PCDHGA11: variants seen among roughly 807,000 people sequenced by gnomAD.
The protein encoded by PCDHGA11 is protocadherin gamma subfamily A, 11, also known as protocadherin gamma-A11.
Under a neutral mutation model 60.4 loss-of-function variants are expected in PCDHGA11, and 39 were observed. The ratio of observed to expected loss-of-function variants is 0.65; its 90% confidence interval spans 0.50 to 0.84. PCDHGA11 has a LOEUF of 0.84. Among genes scored for constraint, PCDHGA11 ranks in the 40% least tolerant of loss-of-function variants. PCDHGA11 has a pLI of 0.00. For synonymous variants in PCDHGA11, 533 were observed against 510.3 expected, an observed-to-expected ratio of 1.04 and a Z score of -0.60; for missense variants, 1,165 against 1,197.7, an observed-to-expected ratio of 0.97 and a Z score of 0.40.
rs757696505 is a variant in PCDHGA11 at position 141,423,413 on chromosome 5, C to T, written c.2186C>T (p.Ser729Phe). The part of the protein sequence containing the change: ...RWHKSRLLQA[S>F]EGGLAGMPTS... Reference sequence around the variant, plus strand: ...CATAAGTCACGCCTGCTGCAGGCTTCTGAAGGCGGGTTGGCAGGTATGCCC... The same window carrying T: ...CATAAGTCACGCCTGCTGCAGGCTTTTGAAGGCGGGTTGGCAGGTATGCCC... The change falls in exon 1 of 4, where the codon TCT becomes TTT. Residue 729 changes from serine (S) to phenylalanine (F), a missense_variant. Ser to Phe is a radical substitution (Grantham distance 155). Transcript: ENST00000398587. 2.5e-6 allele frequency: 4 copies of T among 1,614,022 alleles called. No homozygotes were observed. The highest frequency in any genetic ancestry group is 2.2e-5 in the South Asian group (2 of 91,080).
In PCDHGA11 at chr5:141,422,298, T is replaced by G; in HGVS notation, c.1071T>G (p.Ile357Met). 1 of 1,549,054 alleles carries G rather than the reference T, an allele frequency of 6.5e-7. No homozygotes were observed. Among genetic ancestry groups the G allele is most frequent in the Non-Finnish European group, 8.7e-7 (1 of 1,154,814 alleles). The change falls in exon 1 of 4, where the codon ATT (isoleucine) becomes ATG (methionine). Residue 357 changes from isoleucine to methionine, a missense_variant. By Grantham distance (10) the Ile-to-Met change is conservative (BLOSUM62 1). Transcript: ENST00000398587. ...CTATCACCTCTTCTATTAATTCAATTCTGGAAAACTCTCCTCCAGGTACAG... is the reference window on the plus strand; with the variant it reads ...CTATCACCTCTTCTATTAATTCAATGCTGGAAAACTCTCCTCCAGGTACAG... ...EITITSSINS[I>M]LENSPPGTVI...
chr5:141,479,806 G>A (rs1188862048), intron 1 of PCDHGA11, among the ~76,000 whole-genome samples: 1 of 152,182 alleles, frequency 6.6e-6, no homozygotes, highest in Non-Finnish European at 1.5e-5. Context: ...AGGGTGGTAT[G>A]CAAGGATACT....
intron 2 of PCDHGA11, among the ~76,000 whole-genome samples, chr5:141,504,870 AG>A (rs1453764331): frequency 6.6e-6 from 1 of 151,996 alleles, no homozygotes; most frequent in Non-Finnish European, 1.5e-5. Context: ...CCACCTTCAC[AG>A]TCCTCTGGAG....
intron 1 of PCDHGA11, chr5:141,441,249 T>TA (rs981387539): frequency 2.0e-5 from 3 of 152,206 alleles, no homozygotes. Context: ...ACAAGATCTT[T>TA]AAATCACAAG....
chr5:141,489,944 T>A lies in PCDHGA11; in HGVS notation c.2434-4863T>A. On this transcript the variant is annotated intron_variant, in intron 1 of 3. Coordinates refer to ENST00000398587, the MANE Select transcript of PCDHGA11 (RefSeq NM_018914.3). The surrounding 1 kb of genome is among the most constrained non-coding windows in gnomAD (Gnocchi z 4.5). ...CTTATCTCTGTCATCGTGCTGGACA[T>A]CAATGATAATGCTCCAACCTTCCAA... 1 of 1,614,172 alleles carries A rather than the reference T, an allele frequency of 6.2e-7. No individual in the cohort carries two copies. The highest frequency in any genetic ancestry group is 8.5e-7 in the Non-Finnish European group (1 of 1,180,010).
At chr5:141,429,387 T>A (rs372199649) in intron 1 of PCDHGA11, among the ~76,000 whole-genome samples, 4,783 of 151,430 alleles carry the variant, frequency 0.032, 106 homozygotes, top group African/African-American at 0.043. Context: ...GTTTTTTTTT[T>A]AAAAAAAATT....
At chr5:141,508,859 G>C (rs1268915304) in intron 3 of PCDHGA11, among the ~76,000 whole-genome samples, 1 of 152,086 alleles carries the variant, frequency 6.6e-6, no homozygotes, top group Non-Finnish European at 1.5e-5. Flanking sequence ...CCCAGGCTGG[G>C]AAAGGCTGAA....
intron 1 of PCDHGA11, among the ~76,000 whole-genome samples, chr5:141,473,785 A>G (rs1240342191): frequency 6.6e-6 from 1 of 152,226 alleles, no homozygotes; most frequent in Non-Finnish European, 1.5e-5. Context: ...TTAATTCAAG[A>G]GCAGTATGAT....
chr5:141,441,442 C>G (rs938839707), intron 1 of PCDHGA11: 1 of 160,500 alleles, frequency 6.2e-6, no homozygotes, highest in African/African-American at 2.4e-5. Context: ...CTCGTCCAGC[C>G]CAAGCATCAC....
In PCDHGA11 at chr5:141,491,463, C is replaced by CT. The variant is rs765984397; in HGVS notation, c.2434-3343dup. The CT allele has an allele frequency of 6.2e-7, 1 of 1,614,112 alleles. No homozygotes were observed. Among genetic ancestry groups the CT allele is most frequent in the Non-Finnish European group, 8.5e-7 (1 of 1,180,010 alleles). ...GCCAGGACTCACCCTCCCCGGACTT[C>CT]TATAAGCAGTCCAGCCCCAACCTGC... On this transcript the variant is annotated intron_variant, in intron 1 of 3. Coordinates refer to ENST00000398587, the MANE Select transcript of PCDHGA11 (RefSeq NM_018914.3). This position sits in a 1 kb window ranked among gnomAD's most constrained non-coding sequence, Gnocchi z 6.9.
Position 141,510,363 on chromosome 5 carries a change from G to A in PCDHGA11, c.2582-584G>A, listed in dbSNP as rs973832487. Among the ~76,000 whole-genome samples the A allele has an allele frequency of 7.8e-5, 11 of 141,564 alleles. No individual in the cohort carries two copies. In the East Asian group the frequency reaches 1.6e-3, roughly 21 times the overall value. 92.9% of individuals were successfully genotyped at this position (141,564 alleles called of 152,430 possible). The stretch of plus-strand genomic sequence containing the variant: ...CCACACACTTACTAACGGAACTACC[G>A]AATCTCTACTCGTGCCAGGCCTTGC... On this transcript the variant is annotated intron_variant, in intron 3 of 3. Coordinates refer to ENST00000398587, the MANE Select transcript of PCDHGA11 (RefSeq NM_018914.3).
chr5:141,473,260 G>T (rs2099318007), intron 1 of PCDHGA11, among the ~76,000 whole-genome samples: 1 of 152,148 alleles, frequency 6.6e-6, no homozygotes, highest in South Asian at 2.1e-4. Flanking sequence ...ATAGTCCTTA[G>T]TGTATGCTAT....
rs766387243 is a variant in PCDHGA11 at position 141,489,017 on chromosome 5, TCTC to T, written c.2434-5782_2434-5780del. The stretch of plus-strand genomic sequence containing the variant: ...GGGAGATCTGCTCTTCCAGCCCGCC[TCTC>T]CTCCTCCAGCTCCCCAGCTCCACTC... On this transcript the variant is annotated intron_variant, in intron 1 of 3. Transcript: ENST00000398587. This position sits in a 1 kb window ranked among gnomAD's most constrained non-coding sequence, Gnocchi z 4.5. 2 of 435,354 alleles carry T rather than the reference TCTC, an allele frequency of 4.6e-6. No individual in the cohort carries two copies. Among genetic ancestry groups the T allele is most frequent in the Non-Finnish European group, 8.1e-6 (2 of 247,876 alleles). The allele number at this position is 435,354 out of a possible 1,614,324, so 27.0% of individuals were successfully genotyped here. A position where few individuals can be genotyped will look rare whatever the true frequency, so the allele number is the denominator to read the frequency against.
At position 141,487,276 on chromosome 5, in the gene PCDHGA11, C is replaced by G; in HGVS notation, c.2434-7531C>G. On this transcript the variant is annotated intron_variant, in intron 1 of 3. Coordinates refer to ENST00000398587, the MANE Select transcript of PCDHGA11 (RefSeq NM_018914.3). The surrounding 1 kb of genome is among the most constrained non-coding windows in gnomAD (Gnocchi z 5.0). ...TGGCTGTGTCCCTAGTGGCAATTTG[C>G]TTTGTCTCCTTTGGCTCATTCGTGG... 1 of 1,614,158 alleles carries G rather than the reference C, an allele frequency of 6.2e-7. No homozygotes were observed. The highest frequency in any genetic ancestry group is 1.1e-5 in the South Asian group (1 of 91,082).
rs771681529 is a variant in PCDHGA11 at position 141,486,617 on chromosome 5, C to T, written c.2434-8190C>T. The T allele has an allele frequency of 1.2e-6, 2 of 1,613,602 alleles. No individual in the cohort carries two copies. Among genetic ancestry groups the T allele is most frequent in the Non-Finnish European group, 1.7e-6 (2 of 1,180,036 alleles). On this transcript the variant is annotated intron_variant, in intron 1 of 3. Coordinates refer to ENST00000398587, the MANE Select transcript of PCDHGA11 (RefSeq NM_018914.3). The surrounding 1 kb of genome is among the most constrained non-coding windows in gnomAD (Gnocchi z 5.0). ...GCTTTGCTCCCTTGCAGCCTCTGAC[C>T]CAGACTCTGGCTTGAATGCGCTTAT...
chr5:141,509,843 C>T (rs1596253565), intron 3 of PCDHGA11, among the ~76,000 whole-genome samples: 1 of 152,178 alleles, frequency 6.6e-6, no homozygotes, highest in African/African-American at 2.4e-5. Context: ...CTCCCATTCA[C>T]TCAGAACAGG....
intron 1 of PCDHGA11, among the ~76,000 whole-genome samples, chr5:141,494,399 T>A (rs2099754028): frequency 6.6e-6 from 1 of 152,146 alleles, no homozygotes; most frequent in South Asian, 2.1e-4. Context: ...ATAAATTCAT[T>A]CTAGGGCTGG....
Position 141,421,895 on chromosome 5 carries a change from G to T in PCDHGA11, c.668G>T (p.Arg223Leu). The T allele has an allele frequency of 2.5e-6, 4 of 1,613,730 alleles. No homozygotes were observed. Among genetic ancestry groups the T allele is most frequent in the Non-Finnish European group, 3.4e-6 (4 of 1,179,890 alleles). ...LTALDGGDPI[R>L]KGAVPIRVVV... Reference sequence around the variant, plus strand: ...GCTTTAGATGGAGGCGATCCCATCCGAAAGGGCGCAGTTCCCATTCGTGTG... The same window carrying T: ...GCTTTAGATGGAGGCGATCCCATCCTAAAGGGCGCAGTTCCCATTCGTGTG... Residue 223 changes from arginine (R) to leucine (L), a missense_variant, in exon 1 of 4, where the codon CGA becomes CTA. Physicochemically the swap from Arg to Leu is moderately radical, Grantham distance 102. Transcript: ENST00000398587.
chr5:141,461,027 C>G (rs993151622), intron 1 of PCDHGA11, among the ~76,000 whole-genome samples: 2 of 150,168 alleles, frequency 1.3e-5, no homozygotes, highest in Non-Finnish European at 3.0e-5. Flanking sequence ...TTTTCTTTAT[C>G]CACTCATTAG....
Sources: allele counts gnomAD v4.1 joint callset (sites outside exome capture counted in the v4.1 genomes callset), GRCh38; gene constraint gnomAD v4.1.1; non-coding constraint Gnocchi (gnomAD v3.1); transcripts MANE v1.5; gene names NCBI Gene and HGNC (gene_info 2026-07-23, HGNC 2026-07-21).